ULK4: variants seen among roughly 807,000 people sequenced by gnomAD.
ULK4 encodes the protein inactive serine/threonine-protein kinase ULK4.
In ULK4, 133 loss-of-function variants were observed where a neutral mutation model predicts 160.6. The ratio of observed to expected loss-of-function variants is 0.83; its 90% CI spans 0.72 to 0.96. The LOEUF (loss-of-function observed/expected upper bound fraction) is 0.96. ULK4 is among the 40% of genes least tolerant of loss of function. ULK4 has a pLI of 0.00. For synonymous variants in ULK4, 534 were observed against 539.8 expected (o/e 0.99, Z 0.15); for missense variants, 1,580 against 1,499.5 (o/e 1.05, Z -0.89).
At chr3:41,421,490 G>T (rs901163069) in intron 34 of ULK4, among the ~76,000 whole-genome samples, 1 of 152,094 alleles carries the variant, frequency 6.6e-6, no homozygotes, top group African/African-American at 2.4e-5. Context: ...TTCTAAAAAA[G>T]GAAGAATTGC....
intron 31 of ULK4, among the ~76,000 whole-genome samples, chr3:41,612,014 AT>A (rs1253664991): frequency 3.3e-5 from 5 of 152,240 alleles, no homozygotes; most frequent in Non-Finnish European, 5.9e-5. Flanking sequence ...AGAAAAAAAA[AT>A]AAAAATAACA....
intron 21 of ULK4, among the ~76,000 whole-genome samples, chr3:41,773,725 C>G (rs183488397): frequency 6.6e-6 from 1 of 152,034 alleles, no homozygotes; most frequent in Admixed American, 6.6e-5. Flanking sequence ...AAACGACTTT[C>G]AAGTTCATAT....
intron 35 of ULK4, among the ~76,000 whole-genome samples, chr3:41,369,260 C>T (rs906521694): frequency 4.6e-5 from 7 of 152,100 alleles, no homozygotes; most frequent in Admixed American, 3.9e-4. Context: ...TTTGGGAGGC[C>T]GAGGCAGGCA....
intron 2 of ULK4, among the ~76,000 whole-genome samples, chr3:41,948,733 A>AC (rs1193113221): frequency 6.6e-6 from 1 of 151,344 alleles, no homozygotes; most frequent in Non-Finnish European, 1.5e-5. Flanking sequence ...AAAAAAAAAA[A>AC]AAAAACTCCA....
At position 41,393,379 on chromosome 3, in the gene ULK4, C is replaced by G. The variant is rs533335970; in HGVS notation, c.3678+4700G>C. Among the ~76,000 whole-genome samples, 6 of 152,248 alleles carry G rather than the reference C, an allele frequency of 3.9e-5. No homozygotes were observed. In the East Asian group the frequency reaches 1.2e-3, roughly 29 times the overall value. On this transcript the variant is annotated intron_variant, in intron 35 of 36. Coordinates refer to ENST00000301831, the MANE Select transcript of ULK4 (RefSeq NM_017886.4). ...CTCCTAAAGCTCATGTTTAGTAAAGCTCTGGCTTTTCCTGGCCCATGTCTT... is the reference window on the plus strand; with the variant it reads ...CTCCTAAAGCTCATGTTTAGTAAAGGTCTGGCTTTTCCTGGCCCATGTCTT...
chr3:41,797,649 C>T (rs527601954), intron 20 of ULK4, among the ~76,000 whole-genome samples: 1 of 152,134 alleles, frequency 6.6e-6, no homozygotes. Context: ...CACCTGAGGT[C>T]AGGAGTTCAA....
At chr3:41,897,659 C>A (rs1698209294) in intron 14 of ULK4, among the ~76,000 whole-genome samples, 1 of 152,154 alleles carries the variant, frequency 6.6e-6, no homozygotes, top group Admixed American at 6.6e-5. Context: ...CTACTTGGCA[C>A]TGAAAGCACT....
intron 4 of ULK4, among the ~76,000 whole-genome samples, chr3:41,933,607 A>G (rs1716651): frequency 2.8e-4 from 43 of 152,064 alleles, no homozygotes; most frequent in African/African-American, 1.0e-3. Context: ...AAATCTCATT[A>G]AACAACTCCC....
intron 32 of ULK4, among the ~76,000 whole-genome samples, chr3:41,509,289 T>TA (rs1298421258): frequency 1.3e-5 from 2 of 152,034 alleles, no homozygotes; most frequent in Non-Finnish European, 2.9e-5. Context: ...AAAGAATTTT[T>TA]AAAAAATGAA....
intron 29 of ULK4, among the ~76,000 whole-genome samples, chr3:41,672,106 T>C (rs538751757): frequency 6.6e-6 from 1 of 152,066 alleles, no homozygotes; most frequent in Non-Finnish European, 1.5e-5. Context: ...AAAAGGGAAT[T>C]CTTACGCATT....
At chr3:41,640,512 G>C (rs72862156) in intron 30 of ULK4, among the ~76,000 whole-genome samples, 9,330 of 152,230 alleles carry the variant, frequency 0.061, 971 homozygotes, top group African/African-American at 0.21. Context: ...TCCTAGCAAA[G>C]AACTGAGGAG....
chr3:41,658,741 A>ACACACACACACTCT (rs1371971469), intron 30 of ULK4, among the ~76,000 whole-genome samples: 29 of 152,014 alleles, frequency 1.9e-4, no homozygotes, highest in South Asian at 1.0e-3. Context: ...ACACACACAC[A>ACACACACACACTCT]CACACACACA....
chr3:41,398,377 ATACTTTTT>A, intron 34 of ULK4, 113 bp from the exon 35 acceptor site: 1 of 1,046,908 alleles, frequency 9.6e-7, no homozygotes, highest in South Asian at 1.6e-5. Flanking sequence ...AGTCTGCTGA[ATACTTTTT>A]TACTTTTTTT....
intron 32 of ULK4, among the ~76,000 whole-genome samples, chr3:41,546,767 T>TA (rs1158675738): frequency 0.13 from 4,197 of 32,332 alleles, 111 homozygotes; most frequent in African/African-American, 0.19. Flanking sequence ...CCTAGGCCCT[T>TA]AAAAAAAAAA....
chr3:41,800,082 T>C, intron 20 of ULK4, 50 bp downstream of exon 20: 1 of 1,437,288 alleles, frequency 7.0e-7, no homozygotes. Context: ...TCTTCAAACT[T>C]GCTGTTTAAA....
intron 17 of ULK4, among the ~76,000 whole-genome samples, chr3:41,836,204 T>TC (rs1236391200): frequency 1.3e-5 from 2 of 151,978 alleles, no homozygotes; most frequent in African/African-American, 4.8e-5. Flanking sequence ...TTTATAATTT[T>TC]TTTTTTAACC....
chr3:41,631,598 GA>G (rs1453136319), intron 30 of ULK4, among the ~76,000 whole-genome samples: 4 of 152,134 alleles, frequency 2.6e-5, no homozygotes, highest in Non-Finnish European at 5.9e-5. Context: ...AATGTAAACA[GA>G]ATAGTTTTAT....
chr3:41,531,787 G>C (rs1575367897), intron 32 of ULK4, among the ~76,000 whole-genome samples: 2 of 152,160 alleles, frequency 1.3e-5, no homozygotes, highest in African/African-American at 2.4e-5. Flanking sequence ...TCAGTAGAAA[G>C]AAACACTTTG....
chr3:41,892,061 T>C (rs144976711), intron 16 of ULK4, among the ~76,000 whole-genome samples: 12 of 152,266 alleles, frequency 7.9e-5, no homozygotes, highest in South Asian at 6.2e-4. Context: ...ATTTGAAAAA[T>C]AGAAAAATTC....
Sources: gnomAD v4.1 joint callset for allele counts (sites outside exome capture counted in the v4.1 genomes callset) on GRCh38, gnomAD v4.1.1 for gene constraint, MANE v1.5 for transcripts, NCBI Gene and HGNC (gene_info 2026-07-23, HGNC 2026-07-21) for gene names.